The following NAV3 variants were observed in gnomAD, a reference collection of about 807,000 sequenced individuals.
NAV3 encodes the protein pore membrane and/or filament interacting like protein 1.
A neutral mutation model predicts 244.7 loss-of-function variants in NAV3; 87 were observed. The ratio of observed to expected loss-of-function variants is 0.36; its 90% CI spans 0.30 to 0.42. NAV3 has a LOEUF of 0.42. Among genes scored for constraint, NAV3 ranks in the 20% least tolerant of loss-of-function variants. The probability of loss-of-function intolerance (pLI) is 1.00; values close to 1 mark genes in which losing one functional copy is unlikely to be tolerated. For missense variants in NAV3, 2,663 were observed against 2,893.3 expected (o/e 0.92, Z 1.83); for synonymous variants, 1,126 against 1,042.2 (o/e 1.08, Z -1.55).
At chr12:77,776,311 C>T (rs1402312420) in intron 2 of NAV3, among the ~76,000 whole-genome samples, 1 of 152,088 alleles carries the variant, frequency 6.6e-6, no homozygotes, top group Non-Finnish European at 1.5e-5. Flanking sequence ...AGATATATCC[C>T]ACATGAAAAC....
intron 19 of NAV3, among the ~76,000 whole-genome samples, chr12:78,138,758 G>A (rs1956481193): frequency 1.3e-5 from 2 of 152,130 alleles, no homozygotes; most frequent in African/African-American, 4.8e-5. Flanking sequence ...TTTATATACT[G>A]GGAAATTCTG....
intron 2 of NAV3, among the ~76,000 whole-genome samples, chr12:77,632,690 A>C (rs1871967980): frequency 6.6e-6 from 1 of 152,200 alleles, no homozygotes; most frequent in Non-Finnish European, 1.5e-5. Flanking sequence ...TGGGTAAGTC[A>C]AGGACACAGT....
intron 12 of NAV3, among the ~76,000 whole-genome samples, chr12:78,086,199 T>C (rs1273526398): frequency 6.6e-6 from 1 of 152,108 alleles, no homozygotes; most frequent in Non-Finnish European, 1.5e-5. Context: ...AATTAATTGG[T>C]ATAAGTAGTA....
chr12:78,008,220 G>A (rs1467790324), intron 8 of NAV3, among the ~76,000 whole-genome samples: 1 of 143,694 alleles, frequency 7.0e-6, no homozygotes, highest in African/African-American at 2.6e-5. Context: ...TTACTGATTT[G>A]TTTTTTTTTT....
intron 22 of NAV3, among the ~76,000 whole-genome samples, chr12:78,154,313 G>GTATATATTACTAGATAATATATAA (rs1555183047): frequency 7.7e-6 from 1 of 130,482 alleles, no homozygotes; most frequent in African/African-American, 2.9e-5. Flanking sequence ...ATAATATATA[G>GTATATATTACTAGATAATATATAA]TATATATATA....
intron 16 of NAV3, among the ~76,000 whole-genome samples, chr12:78,124,249 A>G (rs867544343): frequency 1.3e-5 from 2 of 152,236 alleles, no homozygotes; most frequent in African/African-American, 4.8e-5. Context: ...TCAAAACTAG[A>G]TGAAAGATTG....
At chr12:77,590,109 T>C (rs1442114172) in intron 2 of NAV3, among the ~76,000 whole-genome samples, 5 of 152,188 alleles carry the variant, frequency 3.3e-5, no homozygotes, top group Admixed American at 1.3e-4. Flanking sequence ...GAAAAAGTTG[T>C]CTATGTATAG....
chr12:77,986,691 C>T (rs1007417808), intron 5 of NAV3, among the ~76,000 whole-genome samples: 1 of 152,180 alleles, frequency 6.6e-6, no homozygotes, highest in African/African-American at 2.4e-5. Context: ...ATAACTATAA[C>T]ATAAATAGAA....
intron 2 of NAV3, among the ~76,000 whole-genome samples, chr12:77,814,959 C>A (rs7302948): frequency 0.31 from 47,223 of 151,986 alleles, 8,399 homozygotes; most frequent in East Asian, 0.45. Context: ...TTTACCATCA[C>A]TTACATTGGC....
upstream of NAV3, among the ~76,000 whole-genome samples, chr12:77,828,085 T>C (rs934087536): frequency 1.3e-5 from 2 of 152,172 alleles, no homozygotes; most frequent in African/African-American, 4.8e-5. Context: ...TTAGTTGGCA[T>C]TGTGAATGGT....
rs182607181 is a variant in NAV3, at chr12:78,106,529, C to T, written c.2637-10243C>T. Among the ~76,000 whole-genome samples the T allele has an allele frequency of 1.9e-4, 29 of 152,212 alleles. No individual in the cohort carries two copies. The East Asian group carries it at 5.6e-3, about 29-fold the overall frequency. On this transcript the variant is annotated intron_variant, in intron 12 of 39. Coordinates refer to ENST00000397909, the MANE Select transcript of NAV3 (RefSeq NM_001024383.2). ...TTCAATATAATGGTGAACAGAACAC[C>T]AGAAGATGTTCTGTCGAAGCTGACA... is the stretch of plus-strand genomic sequence containing the variant.
At chr12:77,687,115 A>T (rs1167785800) in intron 2 of NAV3, among the ~76,000 whole-genome samples, 1 of 152,018 alleles carries the variant, frequency 6.6e-6, no homozygotes, top group Non-Finnish European at 1.5e-5. Flanking sequence ...TTTCTTACTA[A>T]CATTTTCTAA....
At chr12:77,977,689 TACACAC>T (rs35073855) in intron 5 of NAV3, among the ~76,000 whole-genome samples, 1 of 141,944 alleles carries the variant, frequency 7.0e-6, no homozygotes, top group South Asian at 2.2e-4. Context: ...GATATATATA[TACACAC>T]ACACACACAC....
At chr12:78,010,375 C>CT (rs1231934989) in intron 8 of NAV3, among the ~76,000 whole-genome samples, 3 of 152,064 alleles carry the variant, frequency 2.0e-5, no homozygotes, top group African/African-American at 7.2e-5. Flanking sequence ...TAATAATTTA[C>CT]TTTTTGATGT....
chr12:77,628,746 C>A (rs1332391275), intron 2 of NAV3, among the ~76,000 whole-genome samples: 1 of 151,576 alleles, frequency 6.6e-6, no homozygotes, highest in Admixed American at 6.6e-5. Flanking sequence ...AAAAAATTAG[C>A]CGGGCACGGT....
intron 2 of NAV3, among the ~76,000 whole-genome samples, chr12:77,631,470 G>GAAA (rs199783357): frequency 7.4e-6 from 1 of 134,794 alleles, no homozygotes. Context: ...TAATCTTTTG[G>GAAA]AAAAAAAAAA....
intron 34 of NAV3, among the ~76,000 whole-genome samples, chr12:78,192,397 TA>T (rs1476726387): frequency 1.3e-5 from 2 of 151,172 alleles, no homozygotes; most frequent in South Asian, 4.1e-4. Flanking sequence ...TTTATTATTT[TA>T]TTTTATTTTT....
chr12:78,176,906 C>A (rs1352199505), intron 26 of NAV3, among the ~76,000 whole-genome samples: 1 of 152,072 alleles, frequency 6.6e-6, no homozygotes, highest in East Asian at 1.9e-4. Context: ...CTTGACCTTG[C>A]ACTATTTAAA....
chr12:77,786,398 G>A (rs1006137490), intron 2 of NAV3, among the ~76,000 whole-genome samples: 1 of 151,700 alleles, frequency 6.6e-6, no homozygotes, highest in Non-Finnish European at 1.5e-5. Context: ...TTTTTCATAT[G>A]TCATTTTAAT....
Sources: allele counts gnomAD v4.1 joint callset (sites outside exome capture counted in the v4.1 genomes callset), GRCh38; gene constraint gnomAD v4.1.1; transcripts MANE v1.5; gene names NCBI Gene and HGNC (gene_info 2026-07-23, HGNC 2026-07-21).